CPA6: variants seen among roughly 807,000 people sequenced by gnomAD.
The protein encoded by CPA6 is carboxypeptidase A6.
A neutral mutation model predicts 63.3 loss-of-function variants in CPA6; 58 were observed. The ratio of observed to expected loss-of-function variants is 0.92; its 90% CI spans 0.74 to 1.14. The LOEUF is 1.14. CPA6 is among the 50% of genes most tolerant of loss of function. The probability of loss-of-function intolerance (pLI) is 0.00; values close to 1 mark genes in which losing one functional copy is unlikely to be tolerated. For missense variants in CPA6, 565 were observed against 526.6 expected, an observed-to-expected ratio of 1.07 and a Z score of -0.71; for synonymous variants, 185 against 179.0, an observed-to-expected ratio of 1.03 and a Z score of -0.27.
chr8:67,635,153 G>A (rs984393912), intron 1 of CPA6, among the ~76,000 whole-genome samples: 3 of 151,508 alleles, frequency 2.0e-5, no homozygotes, highest in Admixed American at 6.6e-5. Context: ...CTCTTAAAGT[G>A]TTGGGTTTAC....
intron 1 of CPA6, among the ~76,000 whole-genome samples, chr8:67,644,581 A>G (rs992883407): frequency 1.3e-5 from 2 of 152,222 alleles, no homozygotes; most frequent in African/African-American, 4.8e-5. Context: ...TCTTACAAGC[A>G]TGTTCTTGCT....
intron 1 of CPA6, among the ~76,000 whole-genome samples, chr8:67,677,751 A>G (rs551851819): frequency 1.3e-5 from 2 of 152,306 alleles, no homozygotes; most frequent in African/African-American, 4.8e-5. Flanking sequence ...AGGGTGGTAA[A>G]AAATCTAGGC....
intron 1 of CPA6, among the ~76,000 whole-genome samples, chr8:67,637,726 A>G (rs1815501486): frequency 6.6e-6 from 1 of 151,482 alleles, no homozygotes; most frequent in Admixed American, 6.6e-5. Context: ...TGTTTCATAA[A>G]CTACATAGAA....
chr8:67,554,410 G>T (rs1813014487), intron 2 of CPA6, among the ~76,000 whole-genome samples: 1 of 152,160 alleles, frequency 6.6e-6, no homozygotes, highest in African/African-American at 2.4e-5. Flanking sequence ...TCACTGTCAT[G>T]AGGGCAGCAC....
At chr8:67,539,032 CT>C (rs1812649685) in intron 2 of CPA6, among the ~76,000 whole-genome samples, 1 of 152,152 alleles carries the variant, frequency 6.6e-6, no homozygotes, top group South Asian at 2.1e-4. Context: ...GAATTTGATC[CT>C]GTCATTATGA....
rs186150004 is a variant in CPA6, at chr8:67,679,720, G to A, written c.117-55469C>T. Among the ~76,000 whole-genome samples, 3 of 152,266 alleles carry A rather than the reference G, an allele frequency of 2.0e-5. No individual in the cohort carries two copies. In the East Asian group the frequency reaches 5.8e-4, roughly 29 times the overall value. The stretch of plus-strand genomic sequence containing the variant: ...TGCTTGGCCACAACACCCTCACCAA[G>A]TTAAACAGCATGCTATTGAGTTCTT... On this transcript the variant is annotated intron_variant, in intron 1 of 10. Coordinates refer to ENST00000297770, the MANE Select transcript of CPA6 (RefSeq NM_020361.5).
At chr8:67,642,492 TGAATC>T (rs1462214361) in intron 1 of CPA6, among the ~76,000 whole-genome samples, 1 of 152,110 alleles carries the variant, frequency 6.6e-6, no homozygotes, top group Non-Finnish European at 1.5e-5. Context: ...TTGGACAAAC[TGAATC>T]GAAACCATAA....
At chr8:67,582,117 T>C (rs1408086939) in intron 2 of CPA6, among the ~76,000 whole-genome samples, 3 of 152,128 alleles carry the variant, frequency 2.0e-5, no homozygotes, top group Non-Finnish European at 4.4e-5. Flanking sequence ...TCCTGTTTCA[T>C]GTAGAAATAA....
chr8:67,552,690 A>G (rs113904004), intron 2 of CPA6, among the ~76,000 whole-genome samples: 4,520 of 148,232 alleles, frequency 0.03, 86 homozygotes, highest in Non-Finnish European at 0.037. Flanking sequence ...GCAGAATGGC[A>G]TGAACCCGGG....
intron 1 of CPA6, among the ~76,000 whole-genome samples, chr8:67,738,653 A>G (rs908571627): frequency 2.0e-5 from 3 of 152,228 alleles, no homozygotes; most frequent in African/African-American, 2.4e-5. Context: ...AAAGGCTATA[A>G]TTATGTTGAA....
intron 1 of CPA6, among the ~76,000 whole-genome samples, chr8:67,684,059 T>A (rs1863356): frequency 0.46 from 64,217 of 139,938 alleles, 17,217 homozygotes; most frequent in African/African-American, 0.76. Flanking sequence ...TTATTTATTT[T>A]TTTTTTTTGT....
At chr8:67,690,825 C>G (rs1816800152) in intron 1 of CPA6, among the ~76,000 whole-genome samples, 1 of 152,132 alleles carries the variant, frequency 6.6e-6, no homozygotes, top group African/African-American at 2.4e-5. Context: ...ACTTCATATT[C>G]AAGTGTGGGA....
At chr8:67,607,228 C>T (rs961290186) in intron 2 of CPA6, among the ~76,000 whole-genome samples, 1 of 116,108 alleles carries the variant, frequency 8.6e-6, no homozygotes, top group Non-Finnish European at 1.7e-5. Flanking sequence ...TCTTCTTCTT[C>T]TTCTTCTTCT....
chr8:67,518,040 A>G lies in CPA6; in HGVS notation c.200T>C (p.Leu67Pro). The G allele has an allele frequency of 6.3e-7, 1 of 1,595,320 alleles. No individual in the cohort carries two copies. Among genetic ancestry groups the G allele is most frequent in the Non-Finnish European group, 8.5e-7 (1 of 1,172,850 alleles). Residue 67 changes from leucine to proline, a missense_variant, in exon 3 of 11, where the codon CTG (leucine) becomes CCG (proline). Coordinates refer to ENST00000297770, the MANE Select transcript of CPA6 (RefSeq NM_020361.5). ...ATAGGAGATACTGCTGGGCTGCCAC[A>G]GGTCCACCTGTAGTGCAGGAACCAA... ...KKISYQLKVD[L>P]WQPSSISYVS...
intron 6 of CPA6, among the ~76,000 whole-genome samples, chr8:67,492,019 A>G (rs1210956789): frequency 6.6e-6 from 1 of 152,222 alleles, no homozygotes; most frequent in Admixed American, 6.5e-5. Flanking sequence ...AAGGTAATTT[A>G]CAATAATGGA....
At chr8:67,454,669 G>A (rs2128956140) in intron 8 of CPA6, among the ~76,000 whole-genome samples, 1 of 152,284 alleles carries the variant, frequency 6.6e-6, no homozygotes, top group Middle Eastern at 3.4e-3. Flanking sequence ...ATCTTCACAT[G>A]CAGAACAACT....
At chr8:67,656,902 A>C (rs1204825247) in intron 1 of CPA6, among the ~76,000 whole-genome samples, 1 of 152,196 alleles carries the variant, frequency 6.6e-6, no homozygotes, top group African/African-American at 2.4e-5. Flanking sequence ...AAGTATTTCC[A>C]AATAATTTGG....
chr8:67,640,336 T>C (rs1815562277), intron 1 of CPA6, among the ~76,000 whole-genome samples: 1 of 151,386 alleles, frequency 6.6e-6, no homozygotes, highest in Non-Finnish European at 1.5e-5. Context: ...CAGTACCCCT[T>C]TGGCCTCCCT....
chr8:67,566,771 G>C (rs1813347000), intron 2 of CPA6, among the ~76,000 whole-genome samples: 3 of 152,234 alleles, frequency 2.0e-5, no homozygotes, highest in Admixed American at 2.0e-4. Context: ...AGGAGCTGCT[G>C]GAGAAGCACA....
Sources: gnomAD v4.1 joint callset for allele counts (sites outside exome capture counted in the v4.1 genomes callset) on GRCh38, gnomAD v4.1.1 for gene constraint, MANE v1.5 for transcripts, NCBI Gene and HGNC (gene_info 2026-07-23, HGNC 2026-07-21) for gene names.